CCDC73: variants seen among roughly 807,000 people sequenced by gnomAD.
The protein encoded by CCDC73 is coiled-coil domain-containing protein 73.
A neutral mutation model predicts 116.5 loss-of-function variants in CCDC73; 95 were observed. The ratio of observed to expected loss-of-function variants is 0.82; its 90% CI spans 0.69 to 0.97. The LOEUF is 0.97. CCDC73 is among the 50% of genes least tolerant of loss of function. The probability of loss-of-function intolerance (pLI) is 0.00; values close to 1 mark genes in which losing one functional copy is unlikely to be tolerated. For synonymous variants in CCDC73, 398 were observed against 401.3 expected (o/e 0.99, Z 0.10); for missense variants, 1,066 against 1,206.8 (o/e 0.88, Z 1.73).
Position 32,645,882 on chromosome 11 carries a change from C to A in CCDC73, c.940-3800G>T, listed in dbSNP as rs187324767. ...GACCACCATCTTACACGTGGTCTGT[C>A]ACTGACAAAACATTGTTATGTGGTG... is the stretch of plus-strand genomic sequence containing the variant. On this transcript the variant is annotated intron_variant, in intron 12 of 17. Coordinates refer to ENST00000335185, the MANE Select transcript of CCDC73 (RefSeq NM_001008391.4). Among the ~76,000 whole-genome samples the A allele has an allele frequency of 1.3e-5, 2 of 152,286 alleles. 1 individual carries two copies. The highest frequency in any genetic ancestry group is 3.9e-4 in the East Asian group (2 of 5,182).
Position 32,614,949 on chromosome 11 carries a change from T to C in CCDC73, c.1376-7A>G, listed in dbSNP as rs145888197. 6.7e-4 allele frequency: 1,046 copies of C among 1,566,210 alleles called. 15 individuals carry two copies. In the East Asian group the frequency reaches 0.019, roughly 29 times the overall value. ...TTTTCAAAAAGCTGTAAATCTGTCA[T>C]GATGGGAACACAGTAAAATTTTATA... On this transcript the variant is annotated splice_region_variant and splice_polypyrimidine_tract_variant and intron_variant, in intron 15 of 17. Transcript: ENST00000335185.
chr11:32,623,461 C>T (rs1855541012), intron 14 of CCDC73, among the ~76,000 whole-genome samples: 1 of 152,094 alleles, frequency 6.6e-6, no homozygotes, highest in African/African-American at 2.4e-5. Flanking sequence ...GGTTCAAGTG[C>T]TCCTCTTACC....
At chr11:32,765,255 C>T (rs866493299) in intron 1 of CCDC73, among the ~76,000 whole-genome samples, 1 of 152,168 alleles carries the variant, frequency 6.6e-6, no homozygotes, top group African/African-American at 2.4e-5. Flanking sequence ...CAGCTCTGCA[C>T]CAAGTGGACC....
chr11:32,757,633 T>C (rs945155603), intron 2 of CCDC73, among the ~76,000 whole-genome samples: 1 of 152,214 alleles, frequency 6.6e-6, no homozygotes, highest in African/African-American at 2.4e-5. Context: ...ATCCATTTCC[T>C]TGCTTCTTCC....
chr11:32,630,036 G>A (rs539509569), intron 14 of CCDC73, among the ~76,000 whole-genome samples: 47 of 151,728 alleles, frequency 3.1e-4, no homozygotes, highest in African/African-American at 1.1e-3. Flanking sequence ...AGTGGTAAAT[G>A]TGGTGGTGAA....
chr11:32,762,686 C>A (rs144576906), intron 1 of CCDC73, among the ~76,000 whole-genome samples: 1 of 152,076 alleles, frequency 6.6e-6, no homozygotes, highest in Admixed American at 6.5e-5. Context: ...CCAGCATGAG[C>A]GACGCAGAAA....
chr11:32,703,819 C>G (rs1849832821), intron 3 of CCDC73, among the ~76,000 whole-genome samples: 1 of 152,144 alleles, frequency 6.6e-6, no homozygotes, highest in African/African-American at 2.4e-5. Flanking sequence ...TCTGTTCTTT[C>G]TATTCTAGAT....
intron 14 of CCDC73, among the ~76,000 whole-genome samples, chr11:32,616,714 G>A (rs944803061): frequency 1.3e-5 from 2 of 152,080 alleles, no homozygotes; most frequent in South Asian, 2.1e-4. Context: ...CCTATATATT[G>A]AGCACATGTT....
chr11:32,814,512 A>G, the CCDC73 span, among the ~76,000 whole-genome samples: 27 of 152,236 alleles, frequency 1.8e-4, no homozygotes, highest in African/African-American at 6.5e-4. Context: ...GGCCGTAACA[A>G]CAAAACAAAA....
intron 17 of CCDC73, chr11:32,606,191 C>G (rs1855349311): frequency 6.6e-6 from 1 of 152,184 alleles, no homozygotes; most frequent in Non-Finnish European, 1.5e-5. Flanking sequence ...TTAATACCTT[C>G]CCTGAATTTA....
At chr11:32,646,160 T>C (rs1192787311) in intron 12 of CCDC73, among the ~76,000 whole-genome samples, 1 of 152,218 alleles carries the variant, frequency 6.6e-6, no homozygotes, top group African/African-American at 2.4e-5. Flanking sequence ...CCAATAACTC[T>C]ATCTAAAGGA....
At chr11:32,664,982 TA>T (rs1224400889) in intron 9 of CCDC73, among the ~76,000 whole-genome samples, 1 of 152,228 alleles carries the variant, frequency 6.6e-6, no homozygotes, top group Non-Finnish European at 1.5e-5. Context: ...GTGAGTTTCT[TA>T]ATCCTGAGTT....
intron 1 of CCDC73, among the ~76,000 whole-genome samples, chr11:32,767,787 A>G (rs1478591181): frequency 6.6e-6 from 1 of 152,234 alleles, no homozygotes; most frequent in African/African-American, 2.4e-5. Flanking sequence ...ATCTCACTCC[A>G]GTTAGAATGG....
At chr11:32,731,743 C>T (rs1394596001) in intron 2 of CCDC73, among the ~76,000 whole-genome samples, 3 of 152,136 alleles carry the variant, frequency 2.0e-5, no homozygotes, top group East Asian at 1.9e-4. Context: ...GACATCCACA[C>T]GAAAATCCCA....
intron 15 of CCDC73, 73 bp downstream of exon 15, chr11:32,615,867 T>C: frequency 7.6e-7 from 1 of 1,318,642 alleles, no homozygotes; most frequent in South Asian, 1.4e-5. Context: ...AGGCAGAATG[T>C]AATTTTCCCA....
intron 14 of CCDC73, among the ~76,000 whole-genome samples, chr11:32,625,728 A>T (rs1365978122): frequency 2.6e-5 from 4 of 152,166 alleles, no homozygotes; most frequent in Admixed American, 2.0e-4. Context: ...ACGACAAAAA[A>T]CACATGATTA....
At chr11:32,825,008 C>T in the CCDC73 span, among the ~76,000 whole-genome samples, 1 of 152,144 alleles carries the variant, frequency 6.6e-6, no homozygotes, top group Non-Finnish European at 1.5e-5. Context: ...TCGCTGGAGC[C>T]CAGGAGGTTG....
intron 6 of CCDC73, among the ~76,000 whole-genome samples, chr11:32,697,353 A>G (rs1176524630): frequency 6.6e-6 from 1 of 152,032 alleles, no homozygotes; most frequent in African/African-American, 2.4e-5. Context: ...CAATAACATA[A>G]GCTAATATAT....
intron 2 of CCDC73, among the ~76,000 whole-genome samples, chr11:32,750,657 C>T (rs1319954292): frequency 1.3e-5 from 2 of 152,130 alleles, no homozygotes; most frequent in Non-Finnish European, 2.9e-5. Flanking sequence ...CAGGGTACCA[C>T]TGATGTTCAC....
Sources: gnomAD v4.1 joint callset for allele counts (sites outside exome capture counted in the v4.1 genomes callset) on GRCh38, gnomAD v4.1.1 for gene constraint, MANE v1.5 for transcripts, NCBI Gene and HGNC (gene_info 2026-07-23, HGNC 2026-07-21) for gene names.